PCCA: variants seen among roughly 807,000 people sequenced by gnomAD.
PCCA encodes propionyl-CoA carboxylase subunit alpha.
In PCCA, 74 loss-of-function variants were observed where a neutral mutation model predicts 101.3. The ratio of observed to expected loss-of-function variants is 0.73; its 90% CI spans 0.61 to 0.89. The LOEUF is 0.89. Ranked by LOEUF, PCCA falls within the 40% of genes least tolerant of loss-of-function variation. PCCA has a pLI of 0.00. For synonymous variants in PCCA, 294 were observed against 313.6 expected (o/e 0.94, Z 0.66); for missense variants, 891 against 907.0 (o/e 0.98, Z 0.23).
chr13:100,324,869 C>T (rs1465859660), intron 16 of PCCA, among the ~76,000 whole-genome samples: 1 of 152,204 alleles, frequency 6.6e-6, no homozygotes, highest in Non-Finnish European at 1.5e-5. Flanking sequence ...AAAGTCATTG[C>T]TTATGGTTCT....
chr13:100,330,695 AG>A, intron 17 of PCCA, 24 bp downstream of exon 17: 1 of 1,299,490 alleles, frequency 7.7e-7, no homozygotes, highest in Non-Finnish European at 1.1e-6. Context: ...AAAATATTTT[AG>A]TGTTTTAAAG....
chr13:100,520,082 TTTG>T (rs1398423891), intron 22 of PCCA, among the ~76,000 whole-genome samples: 2 of 152,272 alleles, frequency 1.3e-5, no homozygotes, highest in African/African-American at 2.4e-5. Flanking sequence ...GATCCATGCA[TTTG>T]TTAACATTTT....
chr13:100,311,094 C>T (rs1219360169), intron 16 of PCCA, among the ~76,000 whole-genome samples: 3 of 151,812 alleles, frequency 2.0e-5, no homozygotes, highest in Admixed American at 6.6e-5. Flanking sequence ...ATTAGTCAGG[C>T]GTGGTGGTGG....
intron 11 of PCCA, 68 bp from the exon 12 acceptor site, chr13:100,273,128 T>C (rs2063409087): frequency 8.8e-7 from 1 of 1,140,152 alleles, no homozygotes; most frequent in Non-Finnish European, 1.3e-6. Context: ...AAAATGTTTA[T>C]GTAATGCACA....
intron 9 of PCCA, among the ~76,000 whole-genome samples, chr13:100,260,322 G>T (rs908400500): frequency 8.6e-5 from 13 of 151,256 alleles, no homozygotes; most frequent in Non-Finnish European, 1.2e-4. Flanking sequence ...GCAATGTTTT[G>T]AAATTTGTCT....
intron 4 of PCCA, among the ~76,000 whole-genome samples, chr13:100,116,229 G>A (rs960794316): frequency 1.3e-5 from 2 of 152,148 alleles, no homozygotes; most frequent in Non-Finnish European, 2.9e-5. Context: ...CATTTTAAAT[G>A]TAACTTGGAG....
intron 5 of PCCA, among the ~76,000 whole-genome samples, chr13:100,156,437 T>G (rs1355547257): frequency 1.3e-5 from 2 of 152,176 alleles, no homozygotes; most frequent in Admixed American, 1.3e-4. Flanking sequence ...CTTTAGAAAT[T>G]TGACTCTCTT....
At chr13:100,458,034 C>A (rs1019101891) in intron 21 of PCCA, among the ~76,000 whole-genome samples, 1 of 152,144 alleles carries the variant, frequency 6.6e-6, no homozygotes, top group Non-Finnish European at 1.5e-5. Context: ...GAAGGACCAC[C>A]TTCTGTTTAT....
At chr13:100,221,073 C>T (rs1566735847) in intron 7 of PCCA, among the ~76,000 whole-genome samples, 1 of 152,208 alleles carries the variant, frequency 6.6e-6, no homozygotes, top group Non-Finnish European at 1.5e-5. Context: ...AACTCACTGG[C>T]TTCTAGAGTC....
intron 2 of PCCA, among the ~76,000 whole-genome samples, chr13:100,109,246 AT>A (rs2048091660): frequency 6.6e-6 from 1 of 152,086 alleles, no homozygotes; most frequent in African/African-American, 2.4e-5. Flanking sequence ...TTTTACCCTT[AT>A]TTTACATACC....
chr13:100,425,832 A>G (rs2079104265), intron 20 of PCCA, 101 bp downstream of exon 20: 1 of 790,632 alleles, frequency 1.3e-6, no homozygotes, highest in Non-Finnish European at 2.2e-6. Flanking sequence ...GAAAAGCTGT[A>G]TTTTATTCAC....
chr13:100,261,304 A>G (rs1203576570), intron 9 of PCCA, among the ~76,000 whole-genome samples: 3 of 152,114 alleles, frequency 2.0e-5, no homozygotes, highest in Non-Finnish European at 4.4e-5. Flanking sequence ...ATCAATGGAT[A>G]GAAGGCAATA....
chr13:100,157,669 A>C (rs1176677965), intron 6 of PCCA, among the ~76,000 whole-genome samples: 1 of 152,156 alleles, frequency 6.6e-6, no homozygotes, highest in African/African-American at 2.4e-5. Flanking sequence ...TATTGTAGTG[A>C]TTTAATTATT....
intron 4 of PCCA, among the ~76,000 whole-genome samples, chr13:100,121,924 T>A (rs562154572): frequency 6.6e-6 from 1 of 152,350 alleles, no homozygotes; most frequent in South Asian, 2.1e-4. Flanking sequence ...ATCCTTGTCT[T>A]GTTCTTCATC....
intron 4 of PCCA, among the ~76,000 whole-genome samples, chr13:100,147,879 T>C (rs1045802334): frequency 2.0e-5 from 3 of 152,162 alleles, no homozygotes; most frequent in African/African-American, 7.2e-5. Context: ...TATAGTTTTT[T>C]TTGTGTTTTT....
At chr13:100,124,370 G>A (rs907955668) in intron 4 of PCCA, among the ~76,000 whole-genome samples, 4 of 152,084 alleles carry the variant, frequency 2.6e-5, no homozygotes, top group African/African-American at 7.2e-5. Flanking sequence ...ATTTTACCAC[G>A]TTGAAACAAG....
chr13:100,286,479 A>G (rs12866574), intron 12 of PCCA, among the ~76,000 whole-genome samples: 71,279 of 151,850 alleles, frequency 0.47, 16,798 homozygotes, highest in Middle Eastern at 0.54. Context: ...GGTGATCGGA[A>G]TGAGTTAGGG....
chr13:100,359,107 A>AAAAG (rs1056689456), intron 18 of PCCA, among the ~76,000 whole-genome samples: 7 of 151,606 alleles, frequency 4.6e-5, no homozygotes, highest in African/African-American at 9.7e-5. Context: ...AAAAAAAAAA[A>AAAAG]AAAAGAAAAA....
intron 7 of PCCA, among the ~76,000 whole-genome samples, chr13:100,232,377 T>C (rs1230949542): frequency 2.7e-5 from 4 of 150,198 alleles, no homozygotes; most frequent in Non-Finnish European, 4.4e-5. Flanking sequence ...TGTGTGTGTG[T>C]GTGTGTGTGT....
Sources: allele counts gnomAD v4.1 joint callset (sites outside exome capture counted in the v4.1 genomes callset), GRCh38; gene constraint gnomAD v4.1.1; transcripts MANE v1.5; gene names NCBI Gene and HGNC (gene_info 2026-07-23, HGNC 2026-07-21).